VPS8: variants seen among roughly 807,000 people sequenced by gnomAD.
The protein encoded by VPS8 is VPS8 subunit of CORVET complex.
A neutral mutation model predicts 216.4 loss-of-function variants in VPS8; 129 were observed. That is an observed-to-expected ratio of 0.60 (90% CI 0.52 to 0.69). VPS8 has a LOEUF of 0.69. VPS8 is among the 30% of genes least tolerant of loss of function. VPS8 has a pLI of 0.00. For missense variants in VPS8, 1,531 were observed against 1,683.5 expected (o/e 0.91, Z 1.59); for synonymous variants, 571 against 565.4 (o/e 1.01, Z -0.14).
intron 36 of VPS8, among the ~76,000 whole-genome samples, chr3:184,950,245 A>G (rs1271862165): frequency 1.4e-4 from 1 of 7,174 alleles, no homozygotes; most frequent in South Asian, 6.3e-3. Flanking sequence ...TTTTTTTTTT[A>G]CTCTAGCTTG....
At chr3:184,910,303 C>T (rs916957991) in intron 25 of VPS8, among the ~76,000 whole-genome samples, 9 of 152,120 alleles carry the variant, frequency 5.9e-5, no homozygotes, top group African/African-American at 2.2e-4. Flanking sequence ...TTCTTAACTT[C>T]ACGTTTCCCT....
At chr3:184,950,245 A>C (rs1271862165) in intron 36 of VPS8, among the ~76,000 whole-genome samples, 4 of 7,164 alleles carry the variant, frequency 5.6e-4, no homozygotes, top group East Asian at 0.012. Flanking sequence ...TTTTTTTTTT[A>C]CTCTAGCTTG....
chr3:184,886,563 T>C (rs1320434045), intron 22 of VPS8, among the ~76,000 whole-genome samples: 3 of 146,338 alleles, frequency 2.1e-5, no homozygotes, highest in African/African-American at 7.4e-5. Context: ...ACACACACAT[T>C]CTTCTTTTTT....
intron 31 of VPS8, among the ~76,000 whole-genome samples, chr3:184,927,647 A>G (rs1005251525): frequency 6.6e-6 from 1 of 152,200 alleles, no homozygotes; most frequent in Non-Finnish European, 1.5e-5. Flanking sequence ...TGGTATTCAC[A>G]TTGTACAATC....
At chr3:184,896,533 A>G (rs1578134115) in intron 23 of VPS8, among the ~76,000 whole-genome samples, 1 of 151,802 alleles carries the variant, frequency 6.6e-6, no homozygotes, top group South Asian at 2.1e-4. Flanking sequence ...TTTTTCCCCC[A>G]CTTCCTAACT....
intron 21 of VPS8, 29 bp downstream of exon 21, chr3:184,870,834 G>A (rs368692841): frequency 1.9e-4 from 290 of 1,551,510 alleles, no homozygotes; most frequent in Non-Finnish European, 2.5e-4. Flanking sequence ...TCCAGTAGAC[G>A]ATGCTCTGGA....
chr3:185,030,220 A>G (rs956998217), intron 46 of VPS8, among the ~76,000 whole-genome samples: 6 of 152,180 alleles, frequency 3.9e-5, no homozygotes, highest in African/African-American at 1.4e-4. Flanking sequence ...ATCAGACACC[A>G]CTCAGCTATG....
At chr3:184,843,735 A>G (rs546657759) in intron 8 of VPS8, among the ~76,000 whole-genome samples, 12 of 152,348 alleles carry the variant, frequency 7.9e-5, no homozygotes, top group East Asian at 7.7e-4. Flanking sequence ...AGTTTTGTAT[A>G]GAAACTCATC....
chr3:184,874,894 T>A (rs1019813391), intron 21 of VPS8, among the ~76,000 whole-genome samples: 1 of 152,102 alleles, frequency 6.6e-6, no homozygotes, highest in South Asian at 2.1e-4. Flanking sequence ...GCCGTATTGC[T>A]CCAGAGGGAA....
At chr3:184,902,982 A>G (rs1734839952) in intron 25 of VPS8, among the ~76,000 whole-genome samples, 2 of 152,204 alleles carry the variant, frequency 1.3e-5, no homozygotes, top group African/African-American at 4.8e-5. Flanking sequence ...GTAAAGTTCA[A>G]GGATTTTTTT....
At chr3:185,039,966 G>A (rs948711513) in intron 46 of VPS8, among the ~76,000 whole-genome samples, 1 of 152,098 alleles carries the variant, frequency 6.6e-6, no homozygotes, top group Non-Finnish European at 1.5e-5. Flanking sequence ...TCTGTTAGTC[G>A]TAGATTGTTT....
rs117107111 is a variant in VPS8 at position 184,815,478 on chromosome 3, A to T, written c.-89+3253A>T. On this transcript the variant is annotated intron_variant, in intron 1 of 47. Transcript: ENST00000625842. ...TATATGTGGTCTGTCGTTGACCCAA[A>T]ACGTCTTTTTGGGGCACATGACTGT... Among the ~76,000 whole-genome samples the T allele has an allele frequency of 1.6e-4, 25 of 152,168 alleles. No homozygotes were observed. The East Asian group carries it at 4.6e-3, about 28-fold the overall frequency.
At chr3:185,031,999 A>G (rs2108456058) in intron 46 of VPS8, among the ~76,000 whole-genome samples, 1 of 152,266 alleles carries the variant, frequency 6.6e-6, no homozygotes, top group South Asian at 2.1e-4. Context: ...CCCTATCTCT[A>G]CTAAAAATAC....
At chr3:184,881,673 A>T (rs1159916518) in intron 21 of VPS8, among the ~76,000 whole-genome samples, 1 of 152,090 alleles carries the variant, frequency 6.6e-6, no homozygotes, top group African/African-American at 2.4e-5. Context: ...TATATCTATG[A>T]AAAATCTTGT....
At chr3:184,981,942 A>G (rs928155316) in intron 40 of VPS8, among the ~76,000 whole-genome samples, 9 of 120,800 alleles carry the variant, frequency 7.5e-5, no homozygotes, top group East Asian at 4.9e-4. Context: ...AGTGATTAAC[A>G]TAATATAAAT....
chr3:185,015,030 A>T lies in VPS8; in HGVS notation c.4003-9306A>T, dbSNP rs369698593. On this transcript the variant is annotated intron_variant, in intron 45 of 47. Transcript: ENST00000625842. ...CGAGGGAACATGTATGACATCCATT[A>T]GCCAAAGAGAATTAGGTTCCAGTCC... is the stretch of plus-strand genomic sequence containing the variant. 3.8e-3 allele frequency among the ~76,000 whole-genome samples: 579 copies of T among 152,362 alleles called. 3 individuals carry two copies. Among genetic ancestry groups the T allele is most frequent in the African/African-American group, 0.013 (556 of 41,592 alleles).
chr3:184,877,774 T>C (rs564536213), intron 21 of VPS8, among the ~76,000 whole-genome samples: 1 of 152,360 alleles, frequency 6.6e-6, no homozygotes, highest in East Asian at 1.9e-4. Flanking sequence ...TGTGTTGTTA[T>C]GTAACTCACT....
At chr3:184,902,057 A>G (rs1734582692) in intron 25 of VPS8, among the ~76,000 whole-genome samples, 1 of 146,314 alleles carries the variant, frequency 6.8e-6, no homozygotes, top group African/African-American at 2.6e-5. Flanking sequence ...TCATTTTTTC[A>G]TGTGCTTGTT....
chr3:184,999,608 T>C (rs1048710809), intron 44 of VPS8, 88 bp from the exon 45 acceptor site: 25 of 1,437,362 alleles, frequency 1.7e-5, no homozygotes, highest in Middle Eastern at 3.6e-4. Context: ...TTGTTAGAGA[T>C]TTTTATTGCT....
Sources: gnomAD v4.1 joint callset for allele counts (sites outside exome capture counted in the v4.1 genomes callset) on GRCh38, gnomAD v4.1.1 for gene constraint, MANE v1.5 for transcripts, NCBI Gene and HGNC (gene_info 2026-07-23, HGNC 2026-07-21) for gene names.